ANKHD1: variants seen among roughly 807,000 people sequenced by gnomAD.
ANKHD1 encodes the protein ankyrin repeat and KH domain containing 1.
In ANKHD1, 31 loss-of-function variants were observed where a neutral mutation model predicts 230.5. That is an observed-to-expected ratio of 0.13 (90% CI 0.10 to 0.18). The LOEUF is 0.18. ANKHD1 is among the 10% of genes least tolerant of loss of function. ANKHD1 has a pLI of 1.00. For missense variants in ANKHD1, 2,256 were observed against 3,071.3 expected (o/e 0.73, Z 6.27); for synonymous variants, 1,074 against 1,117.6 (o/e 0.96, Z 0.78).
intron 10 of ANKHD1, among the ~76,000 whole-genome samples, chr5:140,466,848 C>G (rs1330959970): frequency 6.6e-6 from 1 of 151,494 alleles, no homozygotes; most frequent in Non-Finnish European, 1.5e-5. Context: ...TTGGGAGAAT[C>G]ACTTGAACTC....
chr5:140,457,465 C>T (rs968410340), intron 7 of ANKHD1, among the ~76,000 whole-genome samples: 2 of 152,130 alleles, frequency 1.3e-5, no homozygotes, highest in African/African-American at 4.8e-5. Flanking sequence ...AAATGTCCAT[C>T]AATGATAGAC....
intron 6 of ANKHD1, 69 bp from the exon 7 acceptor site, chr5:140,449,142 T>C: frequency 6.8e-7 from 1 of 1,463,694 alleles, no homozygotes; most frequent in African/African-American, 1.4e-5. Context: ...AGAAAAAGAT[T>C]CCATACCTCA....
chr5:140,529,920 C>CT, intron 29 of ANKHD1, 124 bp downstream of exon 29: 1 of 1,392,948 alleles, frequency 7.2e-7, no homozygotes, highest in South Asian at 1.5e-5. Flanking sequence ...TAGATTCTCT[C>CT]TATGATTTTT....
rs1440796714 is a variant in ANKHD1, at chr5:140,535,253, T to A, written c.6851-109T>A. The A allele has an allele frequency of 2.1e-6, 3 of 1,454,544 alleles. No homozygotes were observed. In the African/African-American group the frequency reaches 4.3e-5, roughly 21 times the overall value. 90.1% of individuals were successfully genotyped at this position (1,454,544 alleles called of 1,614,324 possible). Reference sequence around the variant, plus strand: ...AAATGAGCCACATGCTATCTTTTATTTATTTGTTTGGTTATTTTTACAGCT... The same window carrying A: ...AAATGAGCCACATGCTATCTTTTATATATTTGTTTGGTTATTTTTACAGCT... On this transcript the variant is annotated intron_variant, in intron 29 of 33. Coordinates refer to ENST00000360839, the MANE Select transcript of ANKHD1 (RefSeq NM_017747.3).
At chr5:140,516,509 G>A (rs1363026018) in intron 24 of ANKHD1, among the ~76,000 whole-genome samples, 3 of 146,198 alleles carry the variant, frequency 2.1e-5, no homozygotes, top group Non-Finnish European at 2.9e-5. Flanking sequence ...CACCAAAGTC[G>A]AAGGAAAAAA....
chr5:140,516,777 C>T (rs1753032037), intron 24 of ANKHD1, among the ~76,000 whole-genome samples: 1 of 151,760 alleles, frequency 6.6e-6, no homozygotes, highest in African/African-American at 2.4e-5. Context: ...CCTAAAAGAG[C>T]TCCTGAAGGA....
chr5:140,419,850 C>T (rs13162228), intron 1 of ANKHD1, among the ~76,000 whole-genome samples: 2 of 118,510 alleles, frequency 1.7e-5, no homozygotes, highest in Non-Finnish European at 1.8e-5. Flanking sequence ...CTTTCTCTTT[C>T]TTTTTTTCTT....
At chr5:140,439,296 A>T (rs1364869772) in intron 3 of ANKHD1, among the ~76,000 whole-genome samples, 1 of 152,194 alleles carries the variant, frequency 6.6e-6, no homozygotes, top group Non-Finnish European at 1.5e-5. Context: ...AAACTTGTGC[A>T]TCTAATACAG....
chr5:140,457,236 A>G (rs556103498), intron 7 of ANKHD1, among the ~76,000 whole-genome samples: 21 of 152,312 alleles, frequency 1.4e-4, no homozygotes, highest in African/African-American at 4.6e-4. Flanking sequence ...AGAAATAGGA[A>G]CACTTTTACA....
Position 140,496,759 on chromosome 5 carries a change from CAGA to C in ANKHD1, c.2496_2498del (p.Lys833del), listed in dbSNP as rs774858102. 1.9e-6 allele frequency: 3 copies of C among 1,613,714 alleles called. No homozygotes were observed. The highest frequency in any genetic ancestry group is 2.5e-6 in the Non-Finnish European group (3 of 1,179,930). On this transcript the variant is annotated inframe_deletion, in exon 15 of 34. Transcript: ENST00000360839. ...TAAAAAGAACAGAGAAGAGCAAGTC[CAGA>C]AGAAGAAGAAAATATTGAAAGAACT...
In ANKHD1 at chr5:140,528,786, T is replaced by C. The variant is rs1182607920; in HGVS notation, c.5840T>C (p.Leu1947Pro). 3 of 1,614,180 alleles carry C rather than the reference T, an allele frequency of 1.9e-6. No individual in the cohort carries two copies. The highest frequency in any genetic ancestry group is 1.7e-6 in the Non-Finnish European group (2 of 1,180,050). The change falls in exon 29 of 34, where the codon CTG becomes CCG. Residue 1947 changes from leucine (L) to proline (P), a missense_variant. Transcript: ENST00000360839. The part of the protein sequence containing the change: ...VSSVVAASQQ[L>P]CVTNTRTPSS... The stretch of plus-strand genomic sequence containing the variant: ...TCTGTAGTTGCTGCCAGTCAGCAAC[T>C]GTGTGTCACTAATACCCGGACTCCT...
rs2127053868 is a variant in ANKHD1, at chr5:140,506,767, G to A, written c.3409-68G>A. 1 of 1,581,044 alleles carries A rather than the reference G, an allele frequency of 6.3e-7. No homozygotes were observed. Among genetic ancestry groups the A allele is most frequent in the East Asian group, 2.2e-5 (1 of 44,458 alleles). On this transcript the variant is annotated intron_variant, in intron 18 of 33. Transcript: ENST00000360839. This position sits in a 1 kb window ranked among gnomAD's most constrained non-coding sequence, Gnocchi z 4.7. ...AGGAAGTTATAAGTCCTGTTTCTTT[G>A]TGTTTCCTTCATTATAAGTTGAGCC...
intron 1 of ANKHD1, 80 bp downstream of exon 1, chr5:140,402,353 T>C: frequency 7.3e-7 from 1 of 1,374,338 alleles, no homozygotes; most frequent in South Asian, 1.6e-5. Flanking sequence ...GGGGCCATCC[T>C]CCCGCTTCCC....
chr5:140,505,687 A>T, intron 17 of ANKHD1, 37 bp from the exon 18 acceptor site: 2 of 1,566,056 alleles, frequency 1.3e-6, no homozygotes, highest in African/African-American at 2.8e-5. Flanking sequence ...AAAATAAAAA[A>T]CATAAATTTG....
chr5:140,421,866 A>G (rs537734351), intron 1 of ANKHD1, among the ~76,000 whole-genome samples: 131 of 152,322 alleles, frequency 8.6e-4, no homozygotes, highest in African/African-American at 3.0e-3. Flanking sequence ...ATTTGAGGCT[A>G]TACTTAAAAT....
intron 14 of ANKHD1, among the ~76,000 whole-genome samples, chr5:140,495,058 T>A (rs920632974): frequency 2.6e-5 from 4 of 152,166 alleles, no homozygotes; most frequent in Admixed American, 6.6e-5. Context: ...TTCACTGTTA[T>A]AACCTCAGGC....
rs1261178183 is a variant in ANKHD1 at position 140,482,627 on chromosome 5, A to C, written c.1830A>C (p.Arg610Ser). 1 of 1,613,200 alleles carries C rather than the reference A, an allele frequency of 6.2e-7. No individual in the cohort carries two copies. The highest frequency in any genetic ancestry group is 1.1e-5 in the South Asian group (1 of 91,032). ...GAACACCTTTGATGAAAGCTGCAAG[A>C]GCTGGTCATTTGTGCACTGTGCAGT... ...GGRTPLMKAA[R>S]AGHLCTVQFL... The change falls in exon 11 of 34, where the codon AGA becomes AGC. Residue 610 changes from arginine to serine, a missense_variant. This residue lies in a region of ANKHD1 where 179 missense variants were observed against 261.8 expected (regional missense o/e 0.68). Coordinates refer to ENST00000360839, the MANE Select transcript of ANKHD1 (RefSeq NM_017747.3).
intron 1 of ANKHD1, among the ~76,000 whole-genome samples, chr5:140,409,608 A>G (rs1770762625): frequency 6.7e-6 from 1 of 149,478 alleles, no homozygotes; most frequent in Admixed American, 6.7e-5. Flanking sequence ...GCTGGAGTGC[A>G]GTGGCAGGAT....
intron 7 of ANKHD1, among the ~76,000 whole-genome samples, chr5:140,451,817 TAATTA>T (rs1315094605): frequency 6.6e-6 from 1 of 152,172 alleles, no homozygotes; most frequent in Non-Finnish European, 1.5e-5. Flanking sequence ...CTTATTTCTT[TAATTA>T]AATAACTACT....
Sources: allele counts gnomAD v4.1 joint callset (sites outside exome capture counted in the v4.1 genomes callset), GRCh38; gene constraint gnomAD v4.1.1; regional missense constraint gnomAD v4.1.1; non-coding constraint Gnocchi (gnomAD v3.1); transcripts MANE v1.5; gene names NCBI Gene and HGNC (gene_info 2026-07-23, HGNC 2026-07-21).